The following XKR4 variants were observed in gnomAD, a reference collection of about 807,000 sequenced individuals.
XKR4 encodes the protein XK-related protein 4.
Under a neutral mutation model 53.9 loss-of-function variants are expected in XKR4, and 12 were observed. The observed-to-expected ratio is 0.22, with a 90% CI of 0.14 to 0.36. XKR4 has a LOEUF of 0.36. XKR4 is among the 10% of genes least tolerant of loss of function. XKR4 has a pLI of 1.00. For synonymous variants in XKR4, 354 were observed against 362.4 expected, an observed-to-expected ratio of 0.98 and a Z score of 0.26; for missense variants, 799 against 859.5, an observed-to-expected ratio of 0.93 and a Z score of 0.88.
At chr8:55,130,500 A>G (rs73596962) in intron 1 of XKR4, among the ~76,000 whole-genome samples, 2,947 of 152,320 alleles carry the variant, frequency 0.019, 87 homozygotes, top group African/African-American at 0.064. Flanking sequence ...CATGCCCTGG[A>G]AGTCTTGTCA....
At chr8:55,441,384 A>G (rs1032477261) in intron 2 of XKR4, among the ~76,000 whole-genome samples, 7 of 152,220 alleles carry the variant, frequency 4.6e-5, no homozygotes, top group African/African-American at 1.7e-4. Context: ...TAAAAGGCAA[A>G]GATTTTCAGA....
At chr8:55,428,375 C>G (rs1335227233) in intron 2 of XKR4, among the ~76,000 whole-genome samples, 4 of 152,158 alleles carry the variant, frequency 2.6e-5, no homozygotes, top group African/African-American at 9.7e-5. Flanking sequence ...AGCCTGCGCT[C>G]TCTAGCCAAA....
intron 2 of XKR4, among the ~76,000 whole-genome samples, chr8:55,392,541 A>C (rs1434088657): frequency 2.0e-5 from 3 of 152,250 alleles, no homozygotes; most frequent in Admixed American, 2.0e-4. Context: ...CTATAATCCC[A>C]GCACTTTGGG....
intron 1 of XKR4, among the ~76,000 whole-genome samples, chr8:55,253,971 T>C (rs1223166568): frequency 2.6e-5 from 4 of 152,038 alleles, no homozygotes; most frequent in Non-Finnish European, 4.4e-5. Context: ...TTCACCTGCC[T>C]GGCCCCCCAA....
intron 1 of XKR4, among the ~76,000 whole-genome samples, chr8:55,330,113 T>A (rs1256425098): frequency 1.3e-5 from 2 of 152,186 alleles, no homozygotes; most frequent in Non-Finnish European, 2.9e-5. Context: ...ACCATCACCA[T>A]ATTTGAGCTG....
intron 1 of XKR4, among the ~76,000 whole-genome samples, chr8:55,327,382 G>A (rs1585522669): frequency 2.0e-5 from 3 of 151,820 alleles, no homozygotes; most frequent in Admixed American, 6.6e-5. Context: ...TGTTTGGATG[G>A]CATCTTTTAT....
chr8:55,110,459 A>C (rs1318526759), intron 1 of XKR4, among the ~76,000 whole-genome samples: 1 of 152,196 alleles, frequency 6.6e-6, no homozygotes, highest in Non-Finnish European at 1.5e-5. Context: ...CCCAGGCACT[A>C]TTCTTTCTTC....
chr8:55,176,084 AC>A (rs1817230889), intron 1 of XKR4, among the ~76,000 whole-genome samples: 1 of 152,208 alleles, frequency 6.6e-6, no homozygotes, highest in Admixed American at 6.5e-5. Context: ...TTTCTAGGTT[AC>A]CTACTGAAAT....
intron 1 of XKR4, among the ~76,000 whole-genome samples, chr8:55,292,266 C>G (rs1163533880): frequency 6.6e-6 from 1 of 152,036 alleles, no homozygotes. Flanking sequence ...CAAACCAAGC[C>G]AATAAAACCA....
chr8:55,371,582 T>A (rs185800776), intron 2 of XKR4, among the ~76,000 whole-genome samples: 4 of 152,326 alleles, frequency 2.6e-5, no homozygotes, highest in Admixed American at 2.0e-4. Flanking sequence ...TGGAGTTCAA[T>A]TTTAAAGACT....
At chr8:55,433,370 G>A (rs922409486) in intron 2 of XKR4, among the ~76,000 whole-genome samples, 1 of 152,200 alleles carries the variant, frequency 6.6e-6, no homozygotes, top group African/African-American at 2.4e-5. Flanking sequence ...ATTTAGTTCT[G>A]TGCATTATAA....
At chr8:55,422,888 A>G (rs1204096132) in intron 2 of XKR4, among the ~76,000 whole-genome samples, 1 of 152,220 alleles carries the variant, frequency 6.6e-6, no homozygotes, top group African/African-American at 2.4e-5. Context: ...AGAGGGGAAG[A>G]TAAATGGGTG....
intron 2 of XKR4, among the ~76,000 whole-genome samples, chr8:55,460,014 A>AAAC: frequency 6.6e-6 from 1 of 152,064 alleles, no homozygotes; most frequent in African/African-American, 2.4e-5. Flanking sequence ...AAATGCTGAA[A>AAAC]AAAAAAAAAA....
intron 1 of XKR4, among the ~76,000 whole-genome samples, chr8:55,263,987 T>C (rs1435743528): frequency 6.6e-6 from 1 of 152,220 alleles, no homozygotes; most frequent in Non-Finnish European, 1.5e-5. Context: ...TAAAGGCACA[T>C]TTCTTCACCA....
At chr8:55,443,671 G>A (rs926279038) in intron 2 of XKR4, among the ~76,000 whole-genome samples, 10 of 150,252 alleles carry the variant, frequency 6.7e-5, no homozygotes, top group Non-Finnish European at 1.0e-4. Flanking sequence ...GTGAAACCCC[G>A]TCTCTACTAA....
At chr8:55,395,910 T>C (rs1804509483) in intron 2 of XKR4, among the ~76,000 whole-genome samples, 1 of 152,170 alleles carries the variant, frequency 6.6e-6, no homozygotes, top group Admixed American at 6.5e-5. Context: ...GGACAGTCCA[T>C]GGTATTGAAA....
chr8:55,311,829 CAA>C lies in XKR4; in HGVS notation c.807-45828_807-45827del, dbSNP rs57826022. On this transcript the variant is annotated intron_variant, in intron 1 of 2. Transcript: ENST00000327381. The stretch of plus-strand genomic sequence containing the variant: ...AACTGAAACTGTCTCTGTAATTTAG[CAA>C]AAAAAAAAAAAAAAAAAAAAGAAAA... Among the ~76,000 whole-genome samples the C allele has an allele frequency of 8.6e-3, 844 of 98,526 alleles. 5 individuals are homozygous for C. Among genetic ancestry groups the C allele is most frequent in the African/African-American group, 0.03 (783 of 25,900 alleles). 64.6% of individuals were successfully genotyped at this position (98,526 alleles called of 152,430 possible). A position where few individuals can be genotyped will look rare whatever the true frequency, so the allele number is the denominator to read the frequency against.
chr8:55,370,745 C>A (rs2129386058), intron 2 of XKR4, among the ~76,000 whole-genome samples: 1 of 152,116 alleles, frequency 6.6e-6, no homozygotes, highest in East Asian at 1.9e-4. Flanking sequence ...TCCTCCCTGC[C>A]AGGAGCTGGA....
intron 2 of XKR4, among the ~76,000 whole-genome samples, chr8:55,421,386 A>G (rs1350751865): frequency 2.6e-5 from 4 of 152,234 alleles, no homozygotes; most frequent in African/African-American, 9.6e-5. Context: ...TGCTGGAGGC[A>G]AGTTCATAGA....
Sources: allele counts gnomAD v4.1 joint callset (sites outside exome capture counted in the v4.1 genomes callset), GRCh38; gene constraint gnomAD v4.1.1; transcripts MANE v1.5; gene names NCBI Gene and HGNC (gene_info 2026-07-23, HGNC 2026-07-21).